DOCK7: variants seen among roughly 807,000 people sequenced by gnomAD.
The protein encoded by DOCK7 is dedicator of cytokinesis 7.
A neutral mutation model predicts 271.0 loss-of-function variants in DOCK7; 138 were observed. The ratio of observed to expected loss-of-function variants is 0.51; its 90% CI spans 0.44 to 0.59. The LOEUF (loss-of-function observed/expected upper bound fraction) is 0.59. Among genes scored for constraint, DOCK7 ranks in the 20% least tolerant of loss-of-function variants. The pLI is 0.00. For synonymous variants in DOCK7, 823 were observed against 876.1 expected (o/e 0.94, Z 1.07); for missense variants, 2,066 against 2,592.4 (o/e 0.80, Z 4.41).
intron 7 of DOCK7, chr1:62,641,441 C>G: frequency 2.5e-6 from 1 of 407,230 alleles, no homozygotes; most frequent in South Asian, 1.8e-5. Context: ...AGCAGCCTGG[C>G]CTCACTTGGT....
chr1:62,614,267 T>A (rs1652169302), intron 14 of DOCK7, among the ~76,000 whole-genome samples: 1 of 152,092 alleles, frequency 6.6e-6, no homozygotes, highest in Admixed American at 6.6e-5. Context: ...TTGTCATACA[T>A]CCCTTTTCGT....
intron 30 of DOCK7, 142 bp downstream of exon 30, chr1:62,529,135 A>ATATAGTTTAATATT: frequency 3.9e-6 from 3 of 775,140 alleles, no homozygotes; most frequent in Non-Finnish European, 5.6e-6. Context: ...TTTTCTGGCA[A>ATATAGTTTAATATT]TATAGTTTAA....
chr1:62,679,606 C>T (rs1484424052), intron 1 of DOCK7, among the ~76,000 whole-genome samples: 2 of 152,198 alleles, frequency 1.3e-5, no homozygotes, highest in Admixed American at 6.5e-5. Flanking sequence ...TGGCATTGTG[C>T]ATCCACCAGA....
intron 7 of DOCK7, among the ~76,000 whole-genome samples, chr1:62,637,692 C>T (rs1041241997): frequency 6.6e-6 from 1 of 152,146 alleles, no homozygotes; most frequent in African/African-American, 2.4e-5. Flanking sequence ...AATAAAGGGA[C>T]ATTTACAAGG....
intron 31 of DOCK7, among the ~76,000 whole-genome samples, chr1:62,524,354 A>G (rs905220714): frequency 6.6e-6 from 1 of 152,236 alleles, no homozygotes; most frequent in African/African-American, 2.4e-5. Flanking sequence ...ATGACCCAAC[A>G]AATTCCACTT....
At chr1:62,599,933 G>T (rs1436769538) in intron 14 of DOCK7, among the ~76,000 whole-genome samples, 1 of 151,612 alleles carries the variant, frequency 6.6e-6, no homozygotes, top group Non-Finnish European at 1.5e-5. Context: ...CTATTCAAGA[G>T]GATTCAAAAA....
chr1:62,506,010 A>G (rs1421655748), intron 35 of DOCK7, among the ~76,000 whole-genome samples, 194 bp from the exon 36 acceptor site: 1 of 152,018 alleles, frequency 6.6e-6, no homozygotes, highest in African/African-American at 2.4e-5. Context: ...GAAAAGGGGG[A>G]AAAAGAATAA....
intron 9 of DOCK7, 182 bp from the exon 10 acceptor site, chr1:62,633,760 C>A: frequency 1.9e-6 from 1 of 530,694 alleles, no homozygotes; most frequent in Non-Finnish European, 3.3e-6. Flanking sequence ...AAACGCTCAA[C>A]AAAGTAGTAA....
At chr1:62,559,981 T>G (rs1646269970) in intron 19 of DOCK7, among the ~76,000 whole-genome samples, 1 of 152,084 alleles carries the variant, frequency 6.6e-6, no homozygotes. Context: ...GGGAATTGAG[T>G]CTGTACTGAA....
chr1:62,554,495 A>G (rs2149429633), intron 21 of DOCK7, among the ~76,000 whole-genome samples: 1 of 125,420 alleles, frequency 8.0e-6, no homozygotes, highest in East Asian at 2.6e-4. Context: ...AAAAAAAAAA[A>G]AAAAGCAATG....
intron 17 of DOCK7, among the ~76,000 whole-genome samples, chr1:62,578,389 T>G (rs904170019): frequency 2.6e-5 from 4 of 152,080 alleles, no homozygotes; most frequent in African/African-American, 9.7e-5. Flanking sequence ...TCAATGCAAC[T>G]TCATAACTGT....
intron 7 of DOCK7, among the ~76,000 whole-genome samples, chr1:62,638,901 G>A (rs1390136718): frequency 6.6e-6 from 1 of 151,638 alleles, no homozygotes; most frequent in Non-Finnish European, 1.5e-5. Flanking sequence ...AAACATGTAG[G>A]TCCTTTTTTA....
At chr1:62,610,356 T>C (rs1651607457) in intron 14 of DOCK7, among the ~76,000 whole-genome samples, 1 of 152,040 alleles carries the variant, frequency 6.6e-6, no homozygotes, top group South Asian at 2.1e-4. Flanking sequence ...GAATTTTCAG[T>C]AACGTTCAGC....
chr1:62,553,346 A>T lies in DOCK7; in HGVS notation c.2597-445T>A, dbSNP rs1277358443. 1.5e-3 allele frequency among the ~76,000 whole-genome samples: 36 copies of T among 24,402 alleles called. 1 individual carries two copies. Among genetic ancestry groups the T allele is most frequent in the African/African-American group, 8.7e-3 (35 of 4,004 alleles). The allele number at this position is 24,402 out of a possible 152,430, so 16.0% of individuals were successfully genotyped here. The stretch of plus-strand genomic sequence containing the variant: ...TATATATATATATATATATATATAT[A>T]TATATATATTTTTTTTTTTTTTTTT... On this transcript the variant is annotated intron_variant, in intron 21 of 49. Coordinates refer to ENST00000635253, the MANE Select transcript of DOCK7 (RefSeq NM_001367561.1).
intron 31 of DOCK7, among the ~76,000 whole-genome samples, chr1:62,526,836 TA>T (rs1645024667): frequency 2.0e-5 from 3 of 152,268 alleles, no homozygotes; most frequent in African/African-American, 7.2e-5. Flanking sequence ...GATCATATAG[TA>T]AATAATTTCA....
chr1:62,617,086 C>T (rs1652528119), intron 14 of DOCK7, among the ~76,000 whole-genome samples: 1 of 148,008 alleles, frequency 6.8e-6, no homozygotes, highest in Admixed American at 6.7e-5. Flanking sequence ...AAAATAAGGA[C>T]TCTATTGCAA....
At position 62,472,536 on chromosome 1, in the gene DOCK7, T is replaced by C. The variant is rs555465589; in HGVS notation, c.6212+1446A>G. Among the ~76,000 whole-genome samples, 801 of 152,324 alleles carry C rather than the reference T, an allele frequency of 5.3e-3. 2 individuals carry two copies. Among genetic ancestry groups the C allele is most frequent in the Non-Finnish European group, 8.4e-3 (571 of 68,030 alleles). The stretch of plus-strand genomic sequence containing the variant: ...CAAAAAGAAGGACATTTAAGAATTG[T>C]AGTCATGGCAAAATATTCCAAAAAC... On this transcript the variant is annotated intron_variant, in intron 48 of 49. Transcript: ENST00000635253.
chr1:62,580,474 T>C (rs1455867822), intron 16 of DOCK7, among the ~76,000 whole-genome samples: 1 of 152,172 alleles, frequency 6.6e-6, no homozygotes, highest in Non-Finnish European at 1.5e-5. Flanking sequence ...AATGAGATAA[T>C]TTTTAGAAAT....
At chr1:62,601,015 TA>T (rs1650034175) in intron 14 of DOCK7, 1 of 920,710 alleles carries the variant, frequency 1.1e-6, no homozygotes, top group Admixed American at 1.7e-5. Context: ...CTGACATCCT[TA>T]CTCAGATTTC....
Sources: allele counts gnomAD v4.1 joint callset (sites outside exome capture counted in the v4.1 genomes callset), GRCh38; gene constraint gnomAD v4.1.1; transcripts MANE v1.5; gene names NCBI Gene and HGNC (gene_info 2026-07-23, HGNC 2026-07-21).